The following FRAS1 variants were observed in gnomAD, a reference collection of about 807,000 sequenced individuals.
The protein encoded by FRAS1 is Fraser extracellular matrix complex subunit 1.
In FRAS1, 290 loss-of-function variants were observed where a neutral mutation model predicts 435.2. That is an observed-to-expected ratio of 0.67 (90% CI 0.61 to 0.73). FRAS1 has a LOEUF of 0.73. Ranked by LOEUF, FRAS1 falls within the 30% of genes least tolerant of loss-of-function variation. The probability of loss-of-function intolerance (pLI) is 0.00; values close to 1 mark genes in which losing one functional copy is unlikely to be tolerated. For missense variants in FRAS1, 4,860 were observed against 5,001.5 expected (o/e 0.97, Z 0.85); for synonymous variants, 1,800 against 1,851.0 (o/e 0.97, Z 0.71).
chr4:78,283,146 C>T (rs1468504062), intron 12 of FRAS1, among the ~76,000 whole-genome samples, 179 bp downstream of exon 12: 1 of 152,112 alleles, frequency 6.6e-6, no homozygotes, highest in Non-Finnish European at 1.5e-5. Flanking sequence ...GTGTAATTGC[C>T]AAACTCAACA....
chr4:78,452,104 C>G (rs1160846170), intron 46 of FRAS1, 71 bp from the exon 47 acceptor site: 1 of 1,511,218 alleles, frequency 6.6e-7, no homozygotes, highest in African/African-American at 1.4e-5. Flanking sequence ...TACTTCTTGG[C>G]ACCAGGCCTA....
Position 78,464,007 on chromosome 4 carries a change from T to C in FRAS1, c.6764-14T>C, listed in dbSNP as rs1277998440. 1.2e-6 allele frequency: 2 copies of C among 1,612,442 alleles called. No homozygotes were observed. The highest frequency in any genetic ancestry group is 1.3e-5 in the African/African-American group (1 of 74,988). On this transcript the variant is annotated splice_polypyrimidine_tract_variant and intron_variant, in intron 47 of 73. Transcript: ENST00000512123. ...TAATATCCTGTCTCTGTTTCTCTTT[T>C]CCCCTTTTTCTAGGTATCCAGATTA... is the stretch of plus-strand genomic sequence containing the variant.
At chr4:78,379,637 T>A (rs982833339) in intron 26 of FRAS1, 89 bp from the exon 27 acceptor site, 13 of 1,214,506 alleles carry the variant, frequency 1.1e-5, no homozygotes, top group African/African-American at 4.6e-5. Context: ...TGTAAGGAGG[T>A]GGTCTGAAAA....
chr4:78,123,051 C>T (rs1290128982), intron 2 of FRAS1, among the ~76,000 whole-genome samples: 1 of 152,200 alleles, frequency 6.6e-6, no homozygotes, highest in Non-Finnish European at 1.5e-5. Context: ...AGGCTTTGCC[C>T]ATGCCTATGT....
At chr4:78,177,770 C>T (rs530171611) in intron 2 of FRAS1, among the ~76,000 whole-genome samples, 1 of 152,138 alleles carries the variant, frequency 6.6e-6, no homozygotes, top group Admixed American at 6.5e-5. Flanking sequence ...GCCTCACCAC[C>T]TTTTACCTTC....
chr4:78,476,989 TAAA>T (rs11355533), intron 54 of FRAS1, among the ~76,000 whole-genome samples: 30 of 143,252 alleles, frequency 2.1e-4, no homozygotes, highest in African/African-American at 7.1e-4. Context: ...TCTTTCTTTT[TAAA>T]AAAAAAAAAA....
rs754385174 is a variant in FRAS1, at chr4:78,432,453, C to T, written c.5066C>T (p.Thr1689Ile). The T allele has an allele frequency of 8.1e-6, 13 of 1,613,166 alleles. No homozygotes were observed. In the Admixed American group the frequency reaches 2.2e-4, roughly 27 times the overall value. Residue 1689 changes from threonine (T) to isoleucine (I), a missense_variant, in exon 38 of 74, where the codon ACA (threonine) becomes ATA (isoleucine). Coordinates refer to ENST00000512123, the MANE Select transcript of FRAS1 (RefSeq NM_025074.7). The stretch of plus-strand genomic sequence containing the variant: ...GAAGACAGCATGGAGATCTCAGTCA[C>T]AGATGGCCTCACAGTGACAATGCTG... Reference protein sequence around the residue: ...TREDSMEISVTDGLTVTMLEV... With the variant: ...TREDSMEISVIDGLTVTMLEV...
chr4:78,512,237 T>C (rs1721064717), intron 64 of FRAS1, among the ~76,000 whole-genome samples: 1 of 152,238 alleles, frequency 6.6e-6, no homozygotes, highest in Admixed American at 6.5e-5. Flanking sequence ...CACTATAGTA[T>C]TTAAGTGTGT....
At chr4:78,436,683 T>A (rs1162593267) in intron 38 of FRAS1, among the ~76,000 whole-genome samples, 3 of 152,160 alleles carry the variant, frequency 2.0e-5, no homozygotes, top group Non-Finnish European at 4.4e-5. Flanking sequence ...CAGTCTAATG[T>A]TGAGTTAAAA....
At chr4:78,120,684 A>T (rs1478394851) in intron 2 of FRAS1, among the ~76,000 whole-genome samples, 1 of 152,162 alleles carries the variant, frequency 6.6e-6, no homozygotes, top group East Asian at 1.9e-4. Context: ...TCAATGAAGG[A>T]TTAAGCACAC....
At chr4:78,117,037 A>T (rs1743241726) in intron 2 of FRAS1, among the ~76,000 whole-genome samples, 1 of 152,102 alleles carries the variant, frequency 6.6e-6, no homozygotes, top group Admixed American at 6.5e-5. Flanking sequence ...TGGCGACAAA[A>T]TCTCTCAGCA....
chr4:78,096,947 A>G (rs762030756), intron 2 of FRAS1, among the ~76,000 whole-genome samples: 9 of 152,184 alleles, frequency 5.9e-5, no homozygotes, highest in Non-Finnish European at 1.0e-4. Flanking sequence ...AATCTTTTCT[A>G]TCGCATTGTC....
intron 19 of FRAS1, among the ~76,000 whole-genome samples, chr4:78,336,311 G>C (rs1730168574): frequency 6.6e-6 from 1 of 152,150 alleles, no homozygotes; most frequent in Non-Finnish European, 1.5e-5. Context: ...GATTGCCCTT[G>C]AGAGCTGTTT....
At position 78,237,606 on chromosome 4, in the gene FRAS1, G is replaced by T; in HGVS notation, c.205G>T (p.Ala69Ser). 6.3e-7 allele frequency: 1 copy of T among 1,592,874 alleles called. No individual in the cohort carries two copies. The highest frequency in any genetic ancestry group is 8.6e-7 in the Non-Finnish European group (1 of 1,163,328). The change falls in exon 3 of 74, where the codon GCC (alanine) becomes TCC (serine). Residue 69 changes from alanine to serine, a missense_variant. By Grantham distance (99) the Ala-to-Ser change is moderately conservative (BLOSUM62 1). Coordinates refer to ENST00000512123, the MANE Select transcript of FRAS1 (RefSeq NM_025074.7). ...KPAVCRNPQC[A>S]FEKGEVLQIA... ...TGCTGTTTGCAGAAACCCTCAATGTGCCTTTGAGAAGGTACGGTATCCTAA... is the reference window on the plus strand; with the variant it reads ...TGCTGTTTGCAGAAACCCTCAATGTTCCTTTGAGAAGGTACGGTATCCTAA...
intron 2 of FRAS1, among the ~76,000 whole-genome samples, chr4:78,091,978 C>CAAAAA (rs34804542): frequency 3.6e-5 from 3 of 83,686 alleles, no homozygotes; most frequent in African/African-American, 5.1e-5. Context: ...GAGACTGTCT[C>CAAAAA]AAAAAAAAAA....
At chr4:78,337,841 C>A (rs781470663) in intron 20 of FRAS1, 24 bp downstream of exon 20, 1 of 1,613,572 alleles carries the variant, frequency 6.2e-7, no homozygotes, top group South Asian at 1.1e-5. Context: ...CTGTGGACTC[C>A]TCGGAAATCA....
At chr4:78,076,466 T>G (rs1740646014) in intron 2 of FRAS1, among the ~76,000 whole-genome samples, 1 of 152,296 alleles carries the variant, frequency 6.6e-6, no homozygotes, top group East Asian at 1.9e-4. Flanking sequence ...AAAAGTACAT[T>G]TAGTTGTATT....
intron 2 of FRAS1, among the ~76,000 whole-genome samples, chr4:78,213,789 C>G (rs906635871): frequency 2.6e-5 from 4 of 152,154 alleles, no homozygotes; most frequent in African/African-American, 9.7e-5. Context: ...GAGCGCTCTT[C>G]TTGGGCAGGA....
At chr4:78,181,876 C>T (rs1450397890) in intron 2 of FRAS1, 4 of 1,611,714 alleles carry the variant, frequency 2.5e-6, no homozygotes, top group African/African-American at 1.3e-5. Flanking sequence ...TCTGGGCCGC[C>T]GCCTGAGCTG....
Sources: gnomAD v4.1 joint callset for allele counts (sites outside exome capture counted in the v4.1 genomes callset) on GRCh38, gnomAD v4.1.1 for gene constraint, MANE v1.5 for transcripts, NCBI Gene and HGNC (gene_info 2026-07-23, HGNC 2026-07-21) for gene names.